Variants in RANBP17 observed in about 807,000 individuals in gnomAD.
RANBP17 encodes the protein ran-binding protein 17.
In RANBP17, 158 loss-of-function variants were observed where a neutral mutation model predicts 141.2. The observed-to-expected ratio is 1.12, with a 90% CI of 0.98 to 1.28. RANBP17 has a LOEUF of 1.28. Among genes scored for constraint, RANBP17 ranks in the 50% most tolerant of loss-of-function variants. RANBP17 has a pLI of 0.00. For synonymous variants in RANBP17, 430 were observed against 450.0 expected (o/e 0.96, Z 0.56); for missense variants, 1,438 against 1,290.7 (o/e 1.11, Z -1.75).
rs1767591719 is a variant in RANBP17 at position 171,277,639 on chromosome 5, A to ATATATATATATATATATG, written c.2943+11809_2943+11810insGTATATATATATATATAT. Among the ~76,000 whole-genome samples, 5 of 14,706 alleles carry ATATATATATATATATATG rather than the reference A, an allele frequency of 3.4e-4. 1 individual carries two copies. The highest frequency in any genetic ancestry group is 6.8e-4 in the Non-Finnish European group (5 of 7,310). 9.6% of individuals were successfully genotyped at this position (14,706 alleles called of 152,430 possible). A position where few individuals can be genotyped will look rare whatever the true frequency, so the allele number is the denominator to read the frequency against. On this transcript the variant is annotated intron_variant, in intron 25 of 27. Transcript: ENST00000523189. ...GCCTTACGTATACATATATGTATGTATATATATATATATATATATATATAT... is the reference window on the plus strand; with the variant it reads ...GCCTTACGTATACATATATGTATGTATATATATATATATATATGTATATATATATATATATATATATAT...
intron 25 of RANBP17, among the ~76,000 whole-genome samples, chr5:171,275,735 G>C (rs1395453326): frequency 6.6e-6 from 1 of 152,134 alleles, no homozygotes; most frequent in African/African-American, 2.4e-5. Context: ...GGCACAGTTT[G>C]ACATGGAATA....
At chr5:171,108,969 C>T (rs1383401682) in intron 14 of RANBP17, among the ~76,000 whole-genome samples, 9 of 152,128 alleles carry the variant, frequency 5.9e-5, no homozygotes, top group Admixed American at 5.9e-4. Context: ...TGAGGAGCCC[C>T]TATCCCAAAC....
chr5:171,028,941 C>T (rs1781389245), intron 14 of RANBP17: 7 of 1,288,330 alleles, frequency 5.4e-6, no homozygotes, highest in South Asian at 3.7e-5. Flanking sequence ...TCCTTGAGAA[C>T]GATCTGATTC....
chr5:171,248,517 G>A (rs193107482), intron 24 of RANBP17, among the ~76,000 whole-genome samples: 2 of 152,170 alleles, frequency 1.3e-5, no homozygotes, highest in Non-Finnish European at 2.9e-5. Flanking sequence ...GGCAGTCCAC[G>A]TGCCTGCCAC....
chr5:171,078,830 C>G (rs1349146628), intron 14 of RANBP17, among the ~76,000 whole-genome samples: 3 of 152,218 alleles, frequency 2.0e-5, no homozygotes, highest in Admixed American at 2.0e-4. Flanking sequence ...CTTGGTCATG[C>G]AAGAGCTCTG....
At chr5:170,906,619 A>G (rs1373822572) in intron 5 of RANBP17, among the ~76,000 whole-genome samples, 1 of 151,966 alleles carries the variant, frequency 6.6e-6, no homozygotes, top group Non-Finnish European at 1.5e-5. Context: ...CTCTGAAAAT[A>G]TCTTGTTCCT....
intron 21 of RANBP17, among the ~76,000 whole-genome samples, chr5:171,215,918 C>T (rs532279873): frequency 2.0e-5 from 3 of 152,122 alleles, no homozygotes; most frequent in South Asian, 4.2e-4. Flanking sequence ...GATTAGATCC[C>T]GTTTGTCAAT....
At chr5:171,245,345 G>T (rs540273893) in intron 24 of RANBP17, among the ~76,000 whole-genome samples, 1 of 152,010 alleles carries the variant, frequency 6.6e-6, no homozygotes, top group East Asian at 1.9e-4. Flanking sequence ...ACAGAGCTTC[G>T]CTCTTGTTGC....
At chr5:170,959,160 C>T (rs1345331268) in intron 13 of RANBP17, among the ~76,000 whole-genome samples, 1 of 152,194 alleles carries the variant, frequency 6.6e-6, no homozygotes, top group Non-Finnish European at 1.5e-5. Context: ...CTGTGTCTCT[C>T]ATTGCTCTCA....
At chr5:170,974,236 A>C (rs1479094261) in intron 14 of RANBP17, among the ~76,000 whole-genome samples, 1 of 152,210 alleles carries the variant, frequency 6.6e-6, no homozygotes, top group South Asian at 2.1e-4. Flanking sequence ...CTGTTAAATC[A>C]GATAACATCA....
intron 14 of RANBP17, among the ~76,000 whole-genome samples, chr5:171,008,852 A>G (rs10078981): frequency 0.63 from 96,220 of 151,990 alleles, 31,288 homozygotes; most frequent in South Asian, 0.88. Context: ...TGACATACTG[A>G]CCTTATGTTT....
chr5:171,265,015 G>A (rs1037696099), intron 24 of RANBP17, among the ~76,000 whole-genome samples: 2 of 152,128 alleles, frequency 1.3e-5, no homozygotes, highest in Admixed American at 6.6e-5. Flanking sequence ...ACAGTGACTT[G>A]CACACTAAAC....
chr5:171,088,358 G>T lies in RANBP17; in HGVS notation c.1711-81772G>T, dbSNP rs183859727. Among the ~76,000 whole-genome samples the T allele has an allele frequency of 5.9e-3, 902 of 152,198 alleles. 14 individuals carry two copies. The highest frequency in any genetic ancestry group is 0.021 in the African/African-American group (873 of 41,526). ...CTGTTGGTTTGGTGGGCTTCCCTTT[G>T]TAAGTAACATGACCTTTCTCTCTGG... On this transcript the variant is annotated intron_variant, in intron 14 of 27. Transcript: ENST00000523189.
At chr5:171,010,119 C>T (rs1264019522) in intron 14 of RANBP17, among the ~76,000 whole-genome samples, 1 of 152,068 alleles carries the variant, frequency 6.6e-6, no homozygotes, top group Non-Finnish European at 1.5e-5. Context: ...ATGCAGGTTT[C>T]CCCCACAACC....
At chr5:171,015,160 T>G (rs1483883271) in intron 14 of RANBP17, among the ~76,000 whole-genome samples, 1 of 152,148 alleles carries the variant, frequency 6.6e-6, no homozygotes, top group Admixed American at 6.6e-5. Flanking sequence ...TTCTTGTGCT[T>G]GGAGTTGAGC....
At chr5:171,070,931 A>C (rs1784594382) in intron 14 of RANBP17, among the ~76,000 whole-genome samples, 1 of 152,142 alleles carries the variant, frequency 6.6e-6, no homozygotes, top group Non-Finnish European at 1.5e-5. Flanking sequence ...ATAGAAGCTT[A>C]AATTTAAAAT....
intron 24 of RANBP17, among the ~76,000 whole-genome samples, chr5:171,246,639 G>A (rs149515259): frequency 1.3e-5 from 2 of 152,316 alleles, no homozygotes; most frequent in East Asian, 3.9e-4. Flanking sequence ...AATACTTGAA[G>A]ATTTTGAATT....
intron 22 of RANBP17, among the ~76,000 whole-genome samples, chr5:171,234,700 T>C (rs1764426053): frequency 6.6e-6 from 1 of 152,118 alleles, no homozygotes; most frequent in South Asian, 2.1e-4. Context: ...CACAAGCAAC[T>C]AGAAAGAAGT....
chr5:170,900,148 G>C (rs1561869633), intron 5 of RANBP17, among the ~76,000 whole-genome samples: 1 of 152,034 alleles, frequency 6.6e-6, no homozygotes, highest in Non-Finnish European at 1.5e-5. Context: ...TCTGGTCCAG[G>C]GCTTTTTTTT....
Sources: allele counts gnomAD v4.1 joint callset (sites outside exome capture counted in the v4.1 genomes callset), GRCh38; gene constraint gnomAD v4.1.1; transcripts MANE v1.5; gene names NCBI Gene and HGNC (gene_info 2026-07-23, HGNC 2026-07-21).